The following ADAMTS12 variants were observed in gnomAD, a reference collection of about 807,000 sequenced individuals.
The protein encoded by ADAMTS12 is ADAM metallopeptidase with thrombospondin type 1 motif 12.
ADAMTS12 carries 118 observed loss-of-function variants against 167.8 expected under a neutral mutation model. That is an observed-to-expected ratio of 0.70 (90% CI 0.61 to 0.82). The LOEUF (loss-of-function observed/expected upper bound fraction) is 0.82, where lower values mean the gene tolerates loss of function less well. ADAMTS12 is among the 40% of genes least tolerant of loss of function. The pLI is 0.00. For missense variants in ADAMTS12, 1,916 were observed against 1,998.8 expected (o/e 0.96, Z 0.79); for synonymous variants, 704 against 716.9 (o/e 0.98, Z 0.29).
intron 2 of ADAMTS12, among the ~76,000 whole-genome samples, chr5:33,808,557 T>C (rs539992217): frequency 6.6e-6 from 1 of 152,362 alleles, no homozygotes; most frequent in Non-Finnish European, 1.5e-5. Flanking sequence ...TCTTTGGTTT[T>C]GTCTCTTTAA....
At chr5:33,765,456 C>T (rs1220256907) in intron 2 of ADAMTS12, among the ~76,000 whole-genome samples, 1 of 152,154 alleles carries the variant, frequency 6.6e-6, no homozygotes, top group Admixed American at 6.6e-5. Flanking sequence ...AAGCTTAACA[C>T]TTTGCATCTG....
intron 2 of ADAMTS12, among the ~76,000 whole-genome samples, chr5:33,857,297 G>C (rs1031557316): frequency 1.3e-5 from 2 of 152,128 alleles, no homozygotes; most frequent in African/African-American, 4.8e-5. Flanking sequence ...AAAGGGTACA[G>C]AGTTTCAGTT....
intron 5 of ADAMTS12, among the ~76,000 whole-genome samples, chr5:33,669,354 A>G (rs2112233040): frequency 6.6e-6 from 1 of 152,252 alleles, no homozygotes; most frequent in Admixed American, 6.5e-5. Context: ...GCCCATGAGG[A>G]TGTTGCCCAT....
At position 33,576,643 on chromosome 5, in the gene ADAMTS12, C is replaced by T; in HGVS notation, c.3383G>A (p.Gly1128Asp). Residue 1128 changes from glycine (G) to aspartate (D), a missense_variant, in exon 19 of 24, where the codon GGC becomes GAC. Physicochemically the swap from Gly to Asp is moderately conservative, Grantham distance 94. Transcript: ENST00000504830. ...GLVATTTSGSGLSSSRNPITW... is the reference protein window; with the variant it reads ...GLVATTTSGSDLSSSRNPITW... ...GATAGGGTTGCGGGAAGATGACAAG[C>T]CAGAACCACTTGTTGTTGTAGCTAC... 1 of 1,614,194 alleles carries T rather than the reference C, an allele frequency of 6.2e-7. No homozygotes were observed. Among genetic ancestry groups the T allele is most frequent in the East Asian group, 2.2e-5 (1 of 44,880 alleles).
Position 33,594,674 on chromosome 5 carries a change from G to C in ADAMTS12, c.2654+1260C>G, listed in dbSNP as rs112082328. Among the ~76,000 whole-genome samples the C allele has an allele frequency of 9.0e-3, 1,372 of 152,268 alleles. 28 individuals are homozygous for C. The highest frequency in any genetic ancestry group is 0.032 in the African/African-American group (1,310 of 41,548). ...GAACCACAGGAAGGAGCTACAGCAC[G>C]GAGAGGCAATGACACATTTCTGTCC... is the stretch of plus-strand genomic sequence containing the variant. On this transcript the variant is annotated intron_variant, in intron 17 of 23. Coordinates refer to ENST00000504830, the MANE Select transcript of ADAMTS12 (RefSeq NM_030955.4).
At chr5:33,845,898 G>C (rs973294555) in intron 2 of ADAMTS12, among the ~76,000 whole-genome samples, 1 of 152,202 alleles carries the variant, frequency 6.6e-6, no homozygotes, top group African/African-American at 2.4e-5. Flanking sequence ...GGAAAAGAGG[G>C]AGCAGAGGAG....
intron 19 of ADAMTS12, among the ~76,000 whole-genome samples, chr5:33,563,336 G>A (rs1231849908): frequency 1.3e-5 from 2 of 152,148 alleles, no homozygotes; most frequent in African/African-American, 2.4e-5. Context: ...CTTGAATCAG[G>A]GCTGTCCTTG....
In ADAMTS12 at chr5:33,561,027, C is replaced by G. The variant is rs757981903; in HGVS notation, c.4125G>C (p.Lys1375Asn). 1 of 1,613,914 alleles carries G rather than the reference C, an allele frequency of 6.2e-7. No homozygotes were observed. Among genetic ancestry groups the G allele is most frequent in the African/African-American group, 1.3e-5 (1 of 74,886 alleles). The change falls in exon 20 of 24, where the codon AAG (lysine) becomes AAC (asparagine). Residue 1375 changes from lysine to asparagine, a missense_variant and splice_region_variant. Transcript: ENST00000504830. ...CAGWKVGNWS[K>N]CSRNCSGGFK... ...GACTCTGCCAAGCCTGATAAGTTAC[C>G]TTGCTCCAGTTTCCCACTTTCCAGC... is the stretch of plus-strand genomic sequence containing the variant.
chr5:33,862,153 G>C (rs1006879328), intron 2 of ADAMTS12, among the ~76,000 whole-genome samples: 1 of 152,048 alleles, frequency 6.6e-6, no homozygotes, highest in Non-Finnish European at 1.5e-5. Context: ...TCAAAACCTA[G>C]CAAAAGACAG....
intron 3 of ADAMTS12, among the ~76,000 whole-genome samples, chr5:33,715,483 G>A (rs943303453): frequency 5.9e-5 from 9 of 152,172 alleles, no homozygotes; most frequent in East Asian, 5.8e-4. Context: ...GCATATATGA[G>A]TGATTAAAAC....
chr5:33,526,948 G>C lies in ADAMTS12; in HGVS notation c.*240C>G. On this transcript the variant is annotated 3_prime_UTR_variant, in exon 24 of 24. Coordinates refer to ENST00000504830, the MANE Select transcript of ADAMTS12 (RefSeq NM_030955.4). ...CACCTTTCCCAGGAGCCGATACCAG[G>C]TGCTGCCTGATTCTCCTAGCTATTT... is the stretch of plus-strand genomic sequence containing the variant. The C allele has an allele frequency of 2.0e-6, 1 of 490,918 alleles. No homozygotes were observed. The allele number at this position is 490,918 out of a possible 1,614,324, so 30.4% of individuals were successfully genotyped here.
intron 2 of ADAMTS12, among the ~76,000 whole-genome samples, chr5:33,829,203 C>A (rs1273669873): frequency 6.6e-6 from 1 of 152,106 alleles, no homozygotes; most frequent in African/African-American, 2.4e-5. Flanking sequence ...TACTCATGAG[C>A]TGTGCTCCTC....
At chr5:33,699,031 C>T (rs534218061) in intron 3 of ADAMTS12, among the ~76,000 whole-genome samples, 170 of 152,248 alleles carry the variant, frequency 1.1e-3, no homozygotes, top group African/African-American at 4.0e-3. Flanking sequence ...GTGGTGGGCA[C>T]CTGTAATCCC....
chr5:33,750,908 A>T (rs969531391), intron 3 of ADAMTS12, among the ~76,000 whole-genome samples: 1 of 152,186 alleles, frequency 6.6e-6, no homozygotes, highest in Non-Finnish European at 1.5e-5. Context: ...CAATGTGTTG[A>T]TAATTTTTTT....
In ADAMTS12 at chr5:33,524,403, G is replaced by A. The variant is rs536685614; in HGVS notation, c.*2785C>T. 1.6e-4 allele frequency: 24 copies of A among 152,308 alleles called. No homozygotes were observed. The highest frequency in any genetic ancestry group is 5.8e-4 in the African/African-American group (24 of 41,572). 9.4% of individuals were successfully genotyped at this position (152,308 alleles called of 1,614,324 possible). On this transcript the variant is annotated 3_prime_UTR_variant, in exon 24 of 24. Coordinates refer to ENST00000504830, the MANE Select transcript of ADAMTS12 (RefSeq NM_030955.4). ...CCAAACTGGGTTTTAGAACGTTAAT[G>A]TAGTTAAGTACCAGGCCCTGCGATG...
At chr5:33,700,593 T>G (rs1417419534) in intron 3 of ADAMTS12, among the ~76,000 whole-genome samples, 1 of 152,180 alleles carries the variant, frequency 6.6e-6, no homozygotes, top group Non-Finnish European at 1.5e-5. Context: ...CTTTGGGGGC[T>G]GGAGCTGTTC....
At chr5:33,687,296 C>A (rs183545047) in intron 3 of ADAMTS12, among the ~76,000 whole-genome samples, 70 of 152,236 alleles carry the variant, frequency 4.6e-4, no homozygotes, top group African/African-American at 1.6e-3. Context: ...GCACATAGCA[C>A]CATACCTCAT....
At chr5:33,580,050 A>G (rs1746981603) in intron 18 of ADAMTS12, among the ~76,000 whole-genome samples, 1 of 152,224 alleles carries the variant, frequency 6.6e-6, no homozygotes, top group Non-Finnish European at 1.5e-5. Flanking sequence ...TTAGATTCAG[A>G]TTTCCTAGAG....
chr5:33,588,853 G>A (rs777054940), intron 17 of ADAMTS12, 44 bp from the exon 18 acceptor site: 7 of 1,600,792 alleles, frequency 4.4e-6, no homozygotes, highest in Middle Eastern at 2.2e-4. Flanking sequence ...GCCAACTTAC[G>A]CATATGTTCC....
Sources: allele counts gnomAD v4.1 joint callset (sites outside exome capture counted in the v4.1 genomes callset), GRCh38; gene constraint gnomAD v4.1.1; transcripts MANE v1.5; gene names NCBI Gene and HGNC (gene_info 2026-07-23, HGNC 2026-07-21).